PRKD1: variants seen among roughly 807,000 people sequenced by gnomAD.
PRKD1 encodes the protein serine/threonine-protein kinase D1.
In PRKD1, 63 loss-of-function variants were observed where a neutral mutation model predicts 95.9. The observed-to-expected ratio is 0.66, with a 90% CI of 0.54 to 0.81. PRKD1 has a LOEUF of 0.81. PRKD1 is among the 30% of genes least tolerant of loss of function. PRKD1 has a pLI of 0.00. For synonymous variants in PRKD1, 425 were observed against 423.1 expected, an observed-to-expected ratio of 1.00 and a Z score of -0.05; for missense variants, 1,048 against 1,165.3, an observed-to-expected ratio of 0.90 and a Z score of 1.47.
intron 4 of PRKD1, among the ~76,000 whole-genome samples, chr14:29,651,147 C>A (rs1881468562): frequency 6.6e-6 from 1 of 152,134 alleles, no homozygotes; most frequent in Non-Finnish European, 1.5e-5. Context: ...GATTTTAATG[C>A]AACTTAATTA....
chr14:29,862,521 C>A (rs1447103211), intron 1 of PRKD1, among the ~76,000 whole-genome samples: 2 of 152,130 alleles, frequency 1.3e-5, no homozygotes, highest in Non-Finnish European at 2.9e-5. Flanking sequence ...GTTGCCAATT[C>A]TCCAAATAAT....
At chr14:29,600,067 G>A (rs1474905218) in intron 13 of PRKD1, among the ~76,000 whole-genome samples, 1 of 152,110 alleles carries the variant, frequency 6.6e-6, no homozygotes, top group Non-Finnish European at 1.5e-5. Context: ...CTAGCACAGT[G>A]AATTGCTAAT....
At chr14:29,630,002 C>T (rs747743398) in intron 10 of PRKD1, among the ~76,000 whole-genome samples, 1 of 136,566 alleles carries the variant, frequency 7.3e-6, no homozygotes, top group Non-Finnish European at 1.5e-5. Context: ...TCTTCTTCTT[C>T]TCCTTCTCCT....
chr14:29,814,270 G>C (rs1383125261), intron 1 of PRKD1, among the ~76,000 whole-genome samples: 1 of 152,196 alleles, frequency 6.6e-6, no homozygotes, highest in Non-Finnish European at 1.5e-5. Context: ...ACCCCAGTCA[G>C]GTGTAGGTAT....
At chr14:29,737,459 A>T (rs1886785839) in intron 1 of PRKD1, among the ~76,000 whole-genome samples, 1 of 151,950 alleles carries the variant, frequency 6.6e-6, no homozygotes, top group Non-Finnish European at 1.5e-5. Flanking sequence ...AGGCAGTTGA[A>T]TATTGCAACC....
chr14:29,725,509 T>G, intron 2 of PRKD1, 27 bp downstream of exon 2: 2 of 1,596,634 alleles, frequency 1.3e-6, no homozygotes, highest in Non-Finnish European at 8.5e-7. Context: ...AATCTACGGA[T>G]AAAGAAAAGG....
chr14:29,731,300 C>A (rs1886423008), intron 1 of PRKD1, among the ~76,000 whole-genome samples: 1 of 152,094 alleles, frequency 6.6e-6, no homozygotes, highest in Non-Finnish European at 1.5e-5. Flanking sequence ...TGCTAAGGTC[C>A]AAATCCTACT....
chr14:29,661,165 T>G (rs1203940902), intron 4 of PRKD1, among the ~76,000 whole-genome samples: 4 of 152,200 alleles, frequency 2.6e-5, no homozygotes, highest in African/African-American at 4.8e-5. Context: ...AATCTGTATC[T>G]GAAAAAGAAA....
At chr14:29,711,250 T>C (rs1057515297) in intron 2 of PRKD1, among the ~76,000 whole-genome samples, 2 of 152,160 alleles carry the variant, frequency 1.3e-5, no homozygotes, top group African/African-American at 4.8e-5. Context: ...AAGTCCAATG[T>C]ATTCTAAAGA....
chr14:29,891,970 C>G (rs1244825457), intron 1 of PRKD1, among the ~76,000 whole-genome samples: 1 of 152,156 alleles, frequency 6.6e-6, no homozygotes, highest in African/African-American at 2.4e-5. Flanking sequence ...TTTAAAGGCC[C>G]ACTAATGCTG....
intron 16 of PRKD1, among the ~76,000 whole-genome samples, chr14:29,587,742 C>CTCTACTGGTAGATA: frequency 6.6e-6 from 1 of 152,264 alleles, no homozygotes; most frequent in South Asian, 2.1e-4. Context: ...AAAAAAATCA[C>CTCTACTGGTAGATA]TCTACTGGTA....
At chr14:29,658,185 T>C (rs1423711741) in intron 4 of PRKD1, among the ~76,000 whole-genome samples, 1 of 152,196 alleles carries the variant, frequency 6.6e-6, no homozygotes, top group Non-Finnish European at 1.5e-5. Flanking sequence ...ATCTCTTTTT[T>C]CTGGGCCGTC....
At chr14:29,824,171 C>A (rs1011644690) in intron 1 of PRKD1, among the ~76,000 whole-genome samples, 1 of 152,072 alleles carries the variant, frequency 6.6e-6, no homozygotes, top group East Asian at 1.9e-4. Context: ...TAATAGGACC[C>A]AAATGTTCTA....
chr14:29,638,775 G>A lies in PRKD1; in HGVS notation c.826C>T (p.His276Tyr), dbSNP rs1378630262. 4 of 1,614,042 alleles carry A rather than the reference G, an allele frequency of 2.5e-6. No homozygotes were observed. Among genetic ancestry groups the A allele is most frequent in the Non-Finnish European group, 3.4e-6 (4 of 1,179,990 alleles). The change falls in exon 5 of 18, where the codon CAC (histidine) becomes TAC (tyrosine). Residue 276 changes from histidine to tyrosine, a missense_variant. By Grantham distance (83) the His-to-Tyr change is moderately conservative. Around this residue, in one of 3 missense-constraint regions of PRKD1, gnomAD observed 739 missense variants for 861.9 expected, o/e 0.86. Transcript: ENST00000331968. ...KVKVPHTFVIHSYTRPTVCQY... is the reference protein window; with the variant it reads ...KVKVPHTFVIYSYTRPTVCQY... Reference sequence around the variant, plus strand: ...CACACTGTGGGCCGGGTGTAGGAGTGGATGACAAATGTGTGCGGCACTTTA... The same window carrying A: ...CACACTGTGGGCCGGGTGTAGGAGTAGATGACAAATGTGTGCGGCACTTTA...
chr14:29,894,335 T>A (rs2139418358), intron 1 of PRKD1, among the ~76,000 whole-genome samples: 1 of 152,324 alleles, frequency 6.6e-6, no homozygotes, highest in Admixed American at 6.5e-5. Context: ...GCAATGATTG[T>A]CCATGTCCTG....
chr14:29,609,712 T>TTC (rs146756246), intron 13 of PRKD1, among the ~76,000 whole-genome samples: 61,273 of 100,114 alleles, frequency 0.61, 16,010 homozygotes, highest in East Asian at 0.71. Context: ...AGCTATTTCT[T>TTC]TATTTTTTTT....
chr14:29,862,932 T>C (rs935815365), intron 1 of PRKD1, among the ~76,000 whole-genome samples: 2 of 152,204 alleles, frequency 1.3e-5, no homozygotes, highest in African/African-American at 4.8e-5. Context: ...CAATAAATCT[T>C]TGCCCAGACC....
intron 1 of PRKD1, among the ~76,000 whole-genome samples, chr14:29,869,508 T>A (rs1893030952): frequency 6.6e-6 from 1 of 150,808 alleles, no homozygotes; most frequent in African/African-American, 2.4e-5. Context: ...GTTCAGTAAA[T>A]CTCAGTAACC....
intron 1 of PRKD1, among the ~76,000 whole-genome samples, chr14:29,853,512 C>T (rs968804947): frequency 2.0e-5 from 3 of 152,166 alleles, no homozygotes; most frequent in Admixed American, 1.3e-4. Context: ...AATAAACAAA[C>T]TTATCAAAGC....
Sources: allele counts gnomAD v4.1 joint callset (sites outside exome capture counted in the v4.1 genomes callset), GRCh38; gene constraint gnomAD v4.1.1; regional missense constraint gnomAD v4.1.1; transcripts MANE v1.5; gene names NCBI Gene and HGNC (gene_info 2026-07-23, HGNC 2026-07-21).